The following PLIN5 variants were observed in gnomAD, a reference collection of about 807,000 sequenced individuals.
The protein encoded by PLIN5 is perilipin-5.
Under a neutral mutation model 32.8 loss-of-function variants are expected in PLIN5, and 34 were observed. The ratio of observed to expected loss-of-function variants is 1.04; its 90% CI spans 0.79 to 1.38. The LOEUF (loss-of-function observed/expected upper bound fraction) is 1.38. PLIN5 is among the 40% of genes most tolerant of loss of function. PLIN5 has a pLI of 0.00. For missense variants in PLIN5, 712 were observed against 660.5 expected (o/e 1.08, Z -0.85); for synonymous variants, 309 against 292.9 (o/e 1.05, Z -0.56).
chr19:4,523,488 T>C lies in PLIN5; in HGVS notation c.*40A>G, dbSNP rs1976756247. The C allele has an allele frequency of 1.3e-6, 2 of 1,518,814 alleles. No individual in the cohort carries two copies. The highest frequency in any genetic ancestry group is 1.8e-6 in the Non-Finnish European group (2 of 1,130,018). The allele number at this position is 1,518,814 out of a possible 1,614,324, so 94.1% of individuals were successfully genotyped here. A position where few individuals can be genotyped will look rare whatever the true frequency, so the allele number is the denominator to read the frequency against. On this transcript the variant is annotated 3_prime_UTR_variant, in exon 8 of 8. Coordinates refer to ENST00000381848, the MANE Select transcript of PLIN5 (RefSeq NM_001013706.3). This position sits in a 1 kb window ranked among gnomAD's most constrained non-coding sequence, Gnocchi z 5.0. Reference sequence around the variant, plus strand: ...CCAGGGGGCAGCAGGGATCGGGGTGTGCAGGTGGCCTTTCCTCCCCGCCTC... The same window carrying C: ...CCAGGGGGCAGCAGGGATCGGGGTGCGCAGGTGGCCTTTCCTCCCCGCCTC...
chr19:4,523,716 C>A lies in PLIN5; in HGVS notation c.1204G>T (p.Gly402Cys), dbSNP rs778692761. The A allele has an allele frequency of 1.3e-5, 21 of 1,603,200 alleles. No individual in the cohort carries two copies. The highest frequency in any genetic ancestry group is 6.7e-5 in the Admixed American group (4 of 59,956). Residue 402 changes from glycine (G) to cysteine (C), a missense_variant, in exon 8 of 8, where the codon GGC becomes TGC. Gly to Cys is a radical substitution (Grantham distance 159). Coordinates refer to ENST00000381848, the MANE Select transcript of PLIN5 (RefSeq NM_001013706.3). This position sits in a 1 kb window ranked among gnomAD's most constrained non-coding sequence, Gnocchi z 5.0. ...LADLVDEVIG[G>C]PDPRWAHLDW... Reference sequence around the variant, plus strand: ...AGGTGCGCCCAGCGGGGGTCAGGGCCCCCGATGACCTCGTCCACCAGGTCC... The same window carrying A: ...AGGTGCGCCCAGCGGGGGTCAGGGCACCCGATGACCTCGTCCACCAGGTCC...
rs1976779828 is a variant in PLIN5 at position 4,524,900 on chromosome 19, TC to T, written c.834+62del. 21 of 1,396,758 alleles carry T rather than the reference TC, an allele frequency of 1.5e-5. No homozygotes were observed. In the South Asian group the frequency reaches 2.3e-4, roughly 15 times the overall value. 86.5% of individuals were successfully genotyped at this position (1,396,758 alleles called of 1,614,324 possible). A position where few individuals can be genotyped will look rare whatever the true frequency, so the allele number is the denominator to read the frequency against. ...ACTGGGCTGACCCGCAGTCCGTCGC[TC>T]CCCCTCTTCCTCCGCGGCCTGGTGG... On this transcript the variant is annotated intron_variant, in intron 7 of 7. Transcript: ENST00000381848.
At chr19:4,528,891 C>A (rs909884763) in intron 5 of PLIN5, 182 bp downstream of exon 5, 20 of 595,710 alleles carry the variant, frequency 3.4e-5, no homozygotes, top group African/African-American at 2.3e-4. Flanking sequence ...TGACTCCTGG[C>A]GGGATGCAGG....
chr19:4,529,936 T>C (rs990584522), intron 3 of PLIN5, 70 bp from the exon 4 acceptor site: 4 of 958,490 alleles, frequency 4.2e-6, no homozygotes, highest in African/African-American at 3.3e-5. Flanking sequence ...GTGAGAGTTG[T>C]AGAAGGAGGG....
At chr19:4,527,278 T>TG (rs1976816026) in intron 5 of PLIN5, among the ~76,000 whole-genome samples, 1 of 151,548 alleles carries the variant, frequency 6.6e-6, no homozygotes, top group African/African-American at 2.4e-5. Context: ...GGTTTCACCA[T>TG]TCACAGGATG....
Position 4,529,224 on chromosome 19 carries a change from G to T in PLIN5, c.369C>A (p.Ala123=). The stretch of plus-strand genomic sequence containing the variant: ...GGTCCACCACACCCGTGACACTGCT[G>T]GCCACCACGTCCTTGGCTGAGGTCA... The part of the protein sequence containing the change: ...TVVTSAKDVV[A]SSVTGVVDLA... Residue 123 remains alanine, a synonymous_variant, in exon 5 of 8, where the codon GCC becomes GCA. Coordinates refer to ENST00000381848, the MANE Select transcript of PLIN5 (RefSeq NM_001013706.3). The T allele has an allele frequency of 6.2e-7, 1 of 1,610,428 alleles. No homozygotes were observed. The highest frequency in any genetic ancestry group is 8.5e-7 in the Non-Finnish European group (1 of 1,178,516).
At chr19:4,529,588 T>G in intron 4 of PLIN5, 196 bp downstream of exon 4, 1 of 520,006 alleles carries the variant, frequency 1.9e-6, no homozygotes, top group Non-Finnish European at 3.4e-6. Context: ...ATATATACAC[T>G]ATACGTATAT....
chr19:4,528,802 C>T lies in PLIN5; in HGVS notation c.520+271G>A, dbSNP rs969337166. 8 of 370,060 alleles carry T rather than the reference C, an allele frequency of 2.2e-5. 1 individual carries two copies. The Admixed American group carries it at 2.3e-4, about 11-fold the overall frequency. The allele number at this position is 370,060 out of a possible 1,614,324, so 22.9% of individuals were successfully genotyped here. A position where few individuals can be genotyped will look rare whatever the true frequency, so the allele number is the denominator to read the frequency against. On this transcript the variant is annotated intron_variant, in intron 5 of 7. Coordinates refer to ENST00000381848, the MANE Select transcript of PLIN5 (RefSeq NM_001013706.3). ...GCAAAGAATGAAAATATTTAAAACACGCTGCACAGGCATTTGGGGGCCACC... is the reference window on the plus strand; with the variant it reads ...GCAAAGAATGAAAATATTTAAAACATGCTGCACAGGCATTTGGGGGCCACC...
Position 4,529,243 on chromosome 19 carries a change from G to C in PLIN5, c.350C>G (p.Ser117Ter). 2 of 1,599,004 alleles carry C rather than the reference G, an allele frequency of 1.3e-6. No homozygotes were observed. The highest frequency in any genetic ancestry group is 1.7e-6 in the Non-Finnish European group (2 of 1,174,886). ...LQQPSETVVT[S>*]AKDVVASSVT... is the part of the protein sequence containing the mutation. The stretch of plus-strand genomic sequence containing the variant: ...ACTGCTGGCCACCACGTCCTTGGCT[G>C]AGGTCACCACCTGGAAGGAAGGGCC... The change falls in exon 5 of 8, where the codon TCA becomes TGA. Residue 117 changes from serine (S) to a stop codon, truncating the protein, a stop_gained. Coordinates refer to ENST00000381848, the MANE Select transcript of PLIN5 (RefSeq NM_001013706.3). LOFTEE classifies it high-confidence loss of function.
At position 4,523,958 on chromosome 19, in the gene PLIN5, C is replaced by T. The variant is rs750410785; in HGVS notation, c.962G>A (p.Arg321His). The change falls in exon 8 of 8, where the codon CGC becomes CAC. Residue 321 changes from arginine to histidine, a missense_variant. Arg to His is a conservative substitution (Grantham distance 29). Transcript: ENST00000381848. The surrounding 1 kb of genome is among the most constrained non-coding windows in gnomAD (Gnocchi z 5.0). ...GAQEKVAEVRRSVDALQTAFA... is the reference protein window; with the variant it reads ...GAQEKVAEVRHSVDALQTAFA... ...GGCGGTCTGCAGGGCATCCACACTGCGCCGCACCTCAGCCACCTTCTCCTG... is the reference window on the plus strand; with the variant it reads ...GGCGGTCTGCAGGGCATCCACACTGTGCCGCACCTCAGCCACCTTCTCCTG... 1.6e-5 allele frequency: 25 copies of T among 1,528,768 alleles called. No individual in the cohort carries two copies. The highest frequency in any genetic ancestry group is 1.7e-4 in the Middle Eastern group (1 of 5,772). The allele number at this position is 1,528,768 out of a possible 1,614,324, so 94.7% of individuals were successfully genotyped here.
chr19:4,524,058 G>T lies in PLIN5; in HGVS notation c.862C>A (p.Arg288Ser). The T allele has an allele frequency of 6.9e-7, 1 of 1,458,584 alleles. No homozygotes were observed. The highest frequency in any genetic ancestry group is 1.4e-5 in the South Asian group (1 of 73,086). 90.4% of individuals were successfully genotyped at this position (1,458,584 alleles called of 1,614,324 possible). A position where few individuals can be genotyped will look rare whatever the true frequency, so the allele number is the denominator to read the frequency against. The change falls in exon 8 of 8, where the codon CGC becomes AGC. Residue 288 changes from arginine to serine, a missense_variant. Coordinates refer to ENST00000381848, the MANE Select transcript of PLIN5 (RefSeq NM_001013706.3). ...QAELETLVLS[R>S]SLTQELQGTV... ...CCCTGCAGCTCCTGGGTCAGGCTGC[G>T]GGACAGCACCAGCGTCTCCAGCTCT...
chr19:4,530,302 T>C (rs1976868047), intron 3 of PLIN5, among the ~76,000 whole-genome samples: 1 of 152,102 alleles, frequency 6.6e-6, no homozygotes, highest in Non-Finnish European at 1.5e-5. Flanking sequence ...AGGCGACTTT[T>C]CAGCCGTGCC....
At chr19:4,528,448 G>T (rs188594891) in intron 5 of PLIN5, 1 of 151,882 alleles carries the variant, frequency 6.6e-6, no homozygotes, top group African/African-American at 2.4e-5. Context: ...TCGCACTGTG[G>T]CCTGGGCTGG....
chr19:4,526,422 A>G (rs896258704), intron 5 of PLIN5, among the ~76,000 whole-genome samples: 5 of 152,094 alleles, frequency 3.3e-5, no homozygotes, highest in African/African-American at 1.2e-4. Context: ...GGGTTTCACC[A>G]TGTTGGCCAG....
rs750635837 is a variant in PLIN5 at position 4,529,212 on chromosome 19, C to T, written c.381G>A (p.Thr127=). ...CCCTCCGGGCCAGGTCCACCACACC[C>T]GTGACACTGCTGGCCACCACGTCCT... is the stretch of plus-strand genomic sequence containing the variant. The part of the protein sequence containing the change: ...SAKDVVASSV[T]GVVDLARRGR... The change falls in exon 5 of 8, where the codon ACG becomes ACA. Residue 127 remains threonine, a synonymous_variant. Transcript: ENST00000381848. 1.1e-5 allele frequency: 18 copies of T among 1,611,612 alleles called. No homozygotes were observed. The highest frequency in any genetic ancestry group is 1.4e-5 in the Non-Finnish European group (17 of 1,179,238).
At position 4,529,058 on chromosome 19, in the gene PLIN5, G is replaced by C. The variant is rs1215050108; in HGVS notation, c.520+15C>G. The C allele has an allele frequency of 1.9e-6, 3 of 1,609,840 alleles. No homozygotes were observed. In the Admixed American group the frequency reaches 5.0e-5, roughly 27 times the overall value. Reference sequence around the variant, plus strand: ...GGCAGGACTCAGGGGTTAGGGTTGAGGGTGTCGTCCTCACCGAGCTCTTCC... The same window carrying C: ...GGCAGGACTCAGGGGTTAGGGTTGACGGTGTCGTCCTCACCGAGCTCTTCC... On this transcript the variant is annotated intron_variant, in intron 5 of 7. Transcript: ENST00000381848.
Position 4,529,780 on chromosome 19 carries a change from G to A in PLIN5, c.339+4C>T. 6.2e-7 allele frequency: 1 copy of A among 1,611,614 alleles called. No individual in the cohort carries two copies. The highest frequency in any genetic ancestry group is 8.5e-7 in the Non-Finnish European group (1 of 1,178,264). On this transcript the variant is annotated splice_donor_region_variant and intron_variant, in intron 4 of 7. Coordinates refer to ENST00000381848, the MANE Select transcript of PLIN5 (RefSeq NM_001013706.3). ...AGGTCCCCATGTCTAGTCGTCCGGG[G>A]TACCGTCTCCGAAGGTTGCTGGAGA...
At chr19:4,524,648 G>A (rs1409647945) in intron 7 of PLIN5, among the ~76,000 whole-genome samples, 4 of 152,092 alleles carry the variant, frequency 2.6e-5, no homozygotes, top group South Asian at 2.1e-4. Flanking sequence ...GAGAAGGGGC[G>A]GGAAGCCAGG....
intron 4 of PLIN5, chr19:4,529,455 T>C (rs1203721876): frequency 5.1e-6 from 3 of 591,564 alleles, no homozygotes; most frequent in Non-Finnish European, 8.9e-6. Flanking sequence ...GCAATACATA[T>C]GTATACACAC....
Sources: gnomAD v4.1 joint callset for allele counts (sites outside exome capture counted in the v4.1 genomes callset) on GRCh38, gnomAD v4.1.1 for gene constraint, Gnocchi (gnomAD v3.1) non-coding constraint, MANE v1.5 for transcripts, NCBI Gene and HGNC (gene_info 2026-07-23, HGNC 2026-07-21) for gene names.